Variants in ARB2A observed in about 807,000 individuals in gnomAD.
ARB2A encodes the protein ARB2 cotranscriptional regulator A, also known as cotranscriptional regulator ARB2A.
chr5:94,005,267 G>A, the ARB2A span, among the ~76,000 whole-genome samples: 1 of 152,108 alleles, frequency 6.6e-6, no homozygotes, highest in African/African-American at 2.4e-5. Flanking sequence ...GCAGTGGCAT[G>A]ATCTCAGCTT....
At chr5:93,630,279 G>A in the ARB2A span, among the ~76,000 whole-genome samples, 1 of 152,142 alleles carries the variant, frequency 6.6e-6, no homozygotes, top group African/African-American at 2.4e-5. Flanking sequence ...TAGTGAATGG[G>A]GCGTGATGGG....
chr5:93,718,332 G>A, the ARB2A span, among the ~76,000 whole-genome samples: 4 of 151,880 alleles, frequency 2.6e-5, no homozygotes, highest in East Asian at 2.0e-4. Flanking sequence ...CCAGCTACTC[G>A]GGAGGCTGAG....
chr5:94,110,113 G>C, the ARB2A span, among the ~76,000 whole-genome samples: 1 of 152,036 alleles, frequency 6.6e-6, no homozygotes, highest in Non-Finnish European at 1.5e-5. Flanking sequence ...TCAAACTCCA[G>C]GGATCAGGCA....
the ARB2A span, among the ~76,000 whole-genome samples, chr5:93,942,546 T>A: frequency 1.3e-5 from 2 of 152,006 alleles, no homozygotes; most frequent in African/African-American, 4.8e-5. Flanking sequence ...AAAAACCCAA[T>A]AATCATTCAA....
At chr5:93,943,812 G>C in the ARB2A span, among the ~76,000 whole-genome samples, 4 of 151,942 alleles carry the variant, frequency 2.6e-5, no homozygotes, top group African/African-American at 9.7e-5. Context: ...TGTGAAAAAA[G>C]ATCTTAATCC....
At chr5:93,884,277 C>A in the ARB2A span, among the ~76,000 whole-genome samples, 1 of 151,516 alleles carries the variant, frequency 6.6e-6, no homozygotes, top group Non-Finnish European at 1.5e-5. Context: ...TTGAGCAGAA[C>A]TTTAAACTTC....
chr5:94,090,154 T>A, the ARB2A span, among the ~76,000 whole-genome samples: 1 of 152,208 alleles, frequency 6.6e-6, no homozygotes. Flanking sequence ...TTCCTATCTA[T>A]GAGCATGGAA....
At chr5:93,824,359 T>G in the ARB2A span, 1 of 811,162 alleles carries the variant, frequency 1.2e-6, no homozygotes, top group Non-Finnish European at 1.8e-6. Flanking sequence ...ATACACAGCA[T>G]ATGAAATACA....
At chr5:93,744,833 G>T in the ARB2A span, among the ~76,000 whole-genome samples, 1 of 152,184 alleles carries the variant, frequency 6.6e-6, no homozygotes, top group Non-Finnish European at 1.5e-5. Context: ...TAAGTGATTA[G>T]ATTACAATGT....
chr5:93,620,927 C>CA, the ARB2A span: 1 of 1,581,886 alleles, frequency 6.3e-7, no homozygotes. Flanking sequence ...TCGACACAAG[C>CA]AGTGAGGAGG....
At chr5:93,639,977 G>A in the ARB2A span, among the ~76,000 whole-genome samples, 54 of 149,054 alleles carry the variant, frequency 3.6e-4, 1 homozygote, top group East Asian at 2.2e-3. Context: ...TCCGGGAGGC[G>A]GAGGCAGAGA....
chr5:93,766,307 T>A, the ARB2A span, among the ~76,000 whole-genome samples: 1 of 151,998 alleles, frequency 6.6e-6, no homozygotes, highest in Non-Finnish European at 1.5e-5. Context: ...AGGGTTAATA[T>A]CCAGAATCTA....
chr5:93,783,725 G>T, the ARB2A span, among the ~76,000 whole-genome samples: 1 of 152,032 alleles, frequency 6.6e-6, no homozygotes, highest in African/African-American at 2.4e-5. Flanking sequence ...TCTGTCATAG[G>T]AACAAAAAAT....
chr5:93,693,844 C>T, the ARB2A span, among the ~76,000 whole-genome samples: 2 of 152,058 alleles, frequency 1.3e-5, no homozygotes, highest in Non-Finnish European at 2.9e-5. Context: ...TTATCCACCA[C>T]GATGTAGTCT....
chr5:93,706,186 T>C, the ARB2A span, among the ~76,000 whole-genome samples: 5 of 152,214 alleles, frequency 3.3e-5, no homozygotes, highest in African/African-American at 9.6e-5. Flanking sequence ...ATGTGGTGTA[T>C]CTATACAATA....
At chr5:94,019,587 T>A in the ARB2A span, among the ~76,000 whole-genome samples, 1 of 152,126 alleles carries the variant, frequency 6.6e-6, no homozygotes, top group Non-Finnish European at 1.5e-5. Context: ...TGAGATACCA[T>A]CTCACACCAG....
chr5:93,728,540 GT>G, the ARB2A span, among the ~76,000 whole-genome samples: 2 of 151,894 alleles, frequency 1.3e-5, no homozygotes, highest in Non-Finnish European at 2.9e-5. Flanking sequence ...CTGATTAACA[GT>G]TTTTTTTAAA....
At chr5:93,957,198 A>G in the ARB2A span, among the ~76,000 whole-genome samples, 1 of 152,152 alleles carries the variant, frequency 6.6e-6, no homozygotes, top group Admixed American at 6.5e-5. Flanking sequence ...GGTTTTCCAT[A>G]TAGACTTTCC....
the ARB2A span, among the ~76,000 whole-genome samples, chr5:93,773,303 A>G: frequency 6.6e-6 from 1 of 152,314 alleles, no homozygotes; most frequent in East Asian, 1.9e-4. Context: ...CAGGACATGG[A>G]TGTACTGGAT....
Sources: allele counts gnomAD v4.1 joint callset (sites outside exome capture counted in the v4.1 genomes callset), GRCh38; gene constraint gnomAD v4.1.1; transcripts MANE v1.5; gene names NCBI Gene and HGNC (gene_info 2026-07-23, HGNC 2026-07-21).